KCNC2: variants seen among roughly 807,000 people sequenced by gnomAD.
KCNC2 encodes the protein voltage-gated potassium channel KCNC2.
In KCNC2, 21 loss-of-function variants were observed where a neutral mutation model predicts 44.5. The ratio of observed to expected loss-of-function variants is 0.47; its 90% CI spans 0.33 to 0.68. KCNC2 has a LOEUF of 0.68. Ranked by LOEUF, KCNC2 falls within the 30% of genes least tolerant of loss-of-function variation. The pLI, the probability that KCNC2 is intolerant of heterozygous loss-of-function variation, is 0.01. For missense variants in KCNC2, 589 were observed against 826.2 expected (o/e 0.71, Z 3.52); for synonymous variants, 391 against 339.1 (o/e 1.15, Z -1.68).
intron 3 of KCNC2, among the ~76,000 whole-genome samples, chr12:75,048,816 C>T (rs1880845310): frequency 6.6e-6 from 1 of 152,062 alleles, no homozygotes; most frequent in Non-Finnish European, 1.5e-5. Context: ...ACACAAACTC[C>T]GTTTCCAGGT....
intron 2 of KCNC2, among the ~76,000 whole-genome samples, chr12:75,082,779 G>A (rs1465578606): frequency 1.3e-5 from 2 of 151,426 alleles, no homozygotes; most frequent in African/African-American, 4.8e-5. Flanking sequence ...AAACAATAAG[G>A]TTACAAAAAT....
chr12:75,153,826 G>A (rs574089375), intron 2 of KCNC2, among the ~76,000 whole-genome samples: 6 of 151,820 alleles, frequency 4.0e-5, no homozygotes, highest in African/African-American at 1.2e-4. Context: ...TAAGTGGAAG[G>A]GGATCATCAT....
intron 2 of KCNC2, among the ~76,000 whole-genome samples, chr12:75,172,293 G>A (rs969982968): frequency 6.6e-6 from 1 of 151,836 alleles, no homozygotes; most frequent in Non-Finnish European, 1.5e-5. Flanking sequence ...ATGGGAAGAT[G>A]GCGGGGAAGG....
At chr12:75,069,203 C>T (rs1424983732) in intron 2 of KCNC2, among the ~76,000 whole-genome samples, 8 of 119,112 alleles carry the variant, frequency 6.7e-5, no homozygotes, top group South Asian at 2.9e-4. Context: ...GACGTGATCT[C>T]GGCTCACCGC....
chr12:75,148,295 C>T (rs1890159931), intron 2 of KCNC2, among the ~76,000 whole-genome samples: 2 of 152,056 alleles, frequency 1.3e-5, no homozygotes, highest in South Asian at 2.1e-4. Context: ...GACATAACCT[C>T]CATCGAAACT....
At chr12:75,143,431 T>A (rs1163433587) in intron 2 of KCNC2, among the ~76,000 whole-genome samples, 4 of 152,170 alleles carry the variant, frequency 2.6e-5, no homozygotes, top group Non-Finnish European at 4.4e-5. Context: ...AGAATTTCCA[T>A]CAAGTGTACC....
rs139508330 is a variant in KCNC2 at position 75,115,169 on chromosome 12, C to A, written c.688-63852G>T. On this transcript the variant is annotated intron_variant, in intron 2 of 4. Transcript: ENST00000549446. ...TGAGCCACCGCGCCCTGCCCAACTT[C>A]TACTTTTGATGACTAGCTCTGTATT... Among the ~76,000 whole-genome samples the A allele has an allele frequency of 8.7e-3, 1,326 of 152,230 alleles. 15 individuals are homozygous for A. The highest frequency in any genetic ancestry group is 0.03 in the African/African-American group (1,246 of 41,542).
intron 2 of KCNC2, among the ~76,000 whole-genome samples, chr12:75,084,142 A>C (rs994459663): frequency 6.6e-6 from 1 of 151,966 alleles, no homozygotes; most frequent in Non-Finnish European, 1.5e-5. Context: ...AAATTAATTT[A>C]TCCCAAAAGT....
intron 2 of KCNC2, among the ~76,000 whole-genome samples, chr12:75,161,215 A>G (rs1318122590): frequency 6.6e-6 from 1 of 151,750 alleles, no homozygotes; most frequent in Non-Finnish European, 1.5e-5. Context: ...TAATTATTAT[A>G]TGGAACTTAG....
At chr12:75,177,516 A>T (rs1892274184) in intron 2 of KCNC2, among the ~76,000 whole-genome samples, 1 of 152,000 alleles carries the variant, frequency 6.6e-6, no homozygotes, top group Non-Finnish European at 1.5e-5. Context: ...AAATCAGAGG[A>T]TAAAGGAGCT....
At chr12:75,053,765 ATAAT>A (rs1330557766) in intron 2 of KCNC2, among the ~76,000 whole-genome samples, 1 of 147,538 alleles carries the variant, frequency 6.8e-6, no homozygotes, top group Non-Finnish European at 1.5e-5. Context: ...CATAATTTAT[ATAAT>A]TAAATAATTA....
At chr12:75,137,174 C>T (rs1051408618) in intron 2 of KCNC2, among the ~76,000 whole-genome samples, 6 of 152,170 alleles carry the variant, frequency 3.9e-5, no homozygotes, top group African/African-American at 1.4e-4. Flanking sequence ...CTAGTTCTCT[C>T]CTACCTCATT....
intron 2 of KCNC2, among the ~76,000 whole-genome samples, chr12:75,167,429 C>A (rs1891533129): frequency 1.3e-5 from 2 of 151,136 alleles, no homozygotes; most frequent in African/African-American, 4.8e-5. Context: ...TCTTATGAAT[C>A]ACAGTTTTCT....
At chr12:75,158,578 T>C (rs1856848390) in intron 2 of KCNC2, among the ~76,000 whole-genome samples, 1 of 151,868 alleles carries the variant, frequency 6.6e-6, no homozygotes, top group Admixed American at 6.6e-5. Flanking sequence ...GGTTATGACA[T>C]TTCCCATGAC....
chr12:75,044,303 A>G (rs553095574), intron 4 of KCNC2, among the ~76,000 whole-genome samples: 1 of 152,038 alleles, frequency 6.6e-6, no homozygotes, highest in African/African-American at 2.4e-5. Flanking sequence ...AGAACAGGAA[A>G]ATGAAATTCT....
intron 2 of KCNC2, among the ~76,000 whole-genome samples, chr12:75,111,847 C>A (rs1887274087): frequency 6.6e-6 from 1 of 152,014 alleles, no homozygotes; most frequent in Non-Finnish European, 1.5e-5. Context: ...ACAGCTAACA[C>A]AGTGATTTTA....
chr12:75,177,204 C>A (rs374891920), intron 2 of KCNC2, among the ~76,000 whole-genome samples: 1 of 151,314 alleles, frequency 6.6e-6, no homozygotes, highest in Non-Finnish European at 1.5e-5. Context: ...GGAAGATTTA[C>A]GTTAATGAAT....
At chr12:75,146,875 A>G (rs1890064177) in intron 2 of KCNC2, among the ~76,000 whole-genome samples, 1 of 152,194 alleles carries the variant, frequency 6.6e-6, no homozygotes, top group South Asian at 2.1e-4. Context: ...CCGAGGAAAC[A>G]CTTTTCACTG....
intron 2 of KCNC2, among the ~76,000 whole-genome samples, chr12:75,099,910 G>A (rs1886238909): frequency 6.6e-6 from 1 of 151,986 alleles, no homozygotes; most frequent in South Asian, 2.1e-4. Flanking sequence ...AACTAGACAG[G>A]CCTTCATTTT....
Sources: gnomAD v4.1 joint callset for allele counts (sites outside exome capture counted in the v4.1 genomes callset) on GRCh38, gnomAD v4.1.1 for gene constraint, MANE v1.5 for transcripts, NCBI Gene and HGNC (gene_info 2026-07-23, HGNC 2026-07-21) for gene names.